The following CALN1 variants were observed in gnomAD, a reference collection of about 807,000 sequenced individuals.
The protein encoded by CALN1 is calcium-binding protein 8.
In CALN1, 17 loss-of-function variants were observed where a neutral mutation model predicts 30.6. The observed-to-expected ratio is 0.56, with a 90% CI of 0.38 to 0.83. The LOEUF (loss-of-function observed/expected upper bound fraction) is 0.83. Among genes scored for constraint, CALN1 ranks in the 40% least tolerant of loss-of-function variants. The pLI is 0.00. For synonymous variants in CALN1, 156 were observed against 131.4 expected (o/e 1.19, Z -1.28); for missense variants, 291 against 354.9 (o/e 0.82, Z 1.45).
intron 4 of CALN1, chr7:72,104,322 CA>C (rs1806923000): frequency 6.6e-6 from 1 of 152,176 alleles, no homozygotes; most frequent in Non-Finnish European, 1.5e-5. Context: ...CTTGCAGGGA[CA>C]GGGGGATTGG....
intron 3 of CALN1, among the ~76,000 whole-genome samples, chr7:72,229,471 A>G (rs1285550029): frequency 6.6e-6 from 1 of 152,062 alleles, no homozygotes; most frequent in Admixed American, 6.5e-5. Flanking sequence ...TACTATAAAG[A>G]CACATGCACA....
At chr7:71,958,171 C>CT (rs1797065019) in intron 5 of CALN1, among the ~76,000 whole-genome samples, 1 of 151,686 alleles carries the variant, frequency 6.6e-6, no homozygotes, top group South Asian at 2.1e-4. Context: ...ATGGTGAAGT[C>CT]TGAGATTTTA....
intron 5 of CALN1, among the ~76,000 whole-genome samples, chr7:71,923,319 C>G (rs890193260): frequency 7.2e-5 from 11 of 152,236 alleles, no homozygotes; most frequent in African/African-American, 2.4e-4. Flanking sequence ...TTGGTTCTGC[C>G]AGGCCCTATA....
intron 4 of CALN1, among the ~76,000 whole-genome samples, chr7:72,081,691 G>T (rs1046863196): frequency 6.6e-6 from 1 of 151,870 alleles, no homozygotes; most frequent in Admixed American, 6.6e-5. Context: ...TAAAGTGCTG[G>T]GATTACAGGT....
At chr7:71,985,467 G>A (rs1043585806) in intron 5 of CALN1, among the ~76,000 whole-genome samples, 1 of 151,368 alleles carries the variant, frequency 6.6e-6, no homozygotes. Context: ...AACATAGCAA[G>A]ACCCCATCTC....
rs73364932 is a variant in CALN1, at chr7:72,383,392, C to T, written c.119+19859G>A. 6.3e-3 allele frequency among the ~76,000 whole-genome samples: 954 copies of T among 152,288 alleles called. 10 individuals are homozygous for T. The highest frequency in any genetic ancestry group is 0.021 in the African/African-American group (853 of 41,560). On this transcript the variant is annotated intron_variant, in intron 2 of 6. Coordinates refer to ENST00000395275, the MANE Select transcript of CALN1 (RefSeq NM_031468.4). ...TGCATTCCCACCAAAAGTGTATGAG[C>T]GTTCCCTTTTCTCTGCAGCCTCATC...
At chr7:72,294,484 T>G (rs886355112) in intron 2 of CALN1, among the ~76,000 whole-genome samples, 5 of 152,072 alleles carry the variant, frequency 3.3e-5, no homozygotes, top group African/African-American at 9.7e-5. Flanking sequence ...GCACAGTGGC[T>G]CATACTCACA....
chr7:71,937,834 A>G (rs1263497254), intron 5 of CALN1, among the ~76,000 whole-genome samples: 2 of 152,216 alleles, frequency 1.3e-5, no homozygotes, highest in Non-Finnish European at 2.9e-5. Context: ...GGTCTGTTTA[A>G]GGAAAAATAA....
intron 5 of CALN1, among the ~76,000 whole-genome samples, chr7:71,847,396 T>A (rs35412752): frequency 0.14 from 21,778 of 151,862 alleles, 2,515 homozygotes; most frequent in East Asian, 0.51. Flanking sequence ...ACGCTTGTAA[T>A]CCTAGCAGTT....
intron 2 of CALN1, among the ~76,000 whole-genome samples, chr7:72,357,820 ATATATATTTT>A (rs945840780): frequency 1.4e-5 from 2 of 147,360 alleles, no homozygotes; most frequent in Non-Finnish European, 3.0e-5. Context: ...TTATATATTT[ATATATATTTT>A]TATATATTTA....
chr7:72,155,454 T>C (rs544880513), intron 3 of CALN1, among the ~76,000 whole-genome samples: 1 of 147,904 alleles, frequency 6.8e-6, no homozygotes, highest in African/African-American at 2.5e-5. Context: ...ATCACGCCAC[T>C]GCACTCCAGC....
chr7:71,805,876 G>A (rs1475220743), intron 6 of CALN1, among the ~76,000 whole-genome samples: 1 of 152,150 alleles, frequency 6.6e-6, no homozygotes, highest in Admixed American at 6.6e-5. Context: ...AAGAAAGTGT[G>A]TACATATACA....
At chr7:72,094,135 G>A (rs191142705) in intron 4 of CALN1, among the ~76,000 whole-genome samples, 3 of 152,358 alleles carry the variant, frequency 2.0e-5, no homozygotes, top group Admixed American at 2.0e-4. Context: ...TTCTAGGTCT[G>A]ATGTGAATGA....
chr7:72,268,247 A>C (rs1796723169), intron 3 of CALN1, among the ~76,000 whole-genome samples: 2 of 152,150 alleles, frequency 1.3e-5, no homozygotes, highest in South Asian at 4.1e-4. Flanking sequence ...CTGGCCCAAG[A>C]AGCTTAAACA....
At chr7:71,996,891 A>C (rs1435708932) in intron 5 of CALN1, among the ~76,000 whole-genome samples, 1 of 152,162 alleles carries the variant, frequency 6.6e-6, no homozygotes, top group Admixed American at 6.5e-5. Flanking sequence ...GAGTTATAAA[A>C]AAGAACCAGC....
At chr7:72,301,444 C>A (rs955050326) in intron 2 of CALN1, among the ~76,000 whole-genome samples, 19 of 151,938 alleles carry the variant, frequency 1.3e-4, no homozygotes, top group Middle Eastern at 3.4e-3. Flanking sequence ...CCTGTCTCTA[C>A]TAAAAATACA....
At chr7:72,053,028 A>C (rs1043950248) in intron 4 of CALN1, among the ~76,000 whole-genome samples, 3 of 152,192 alleles carry the variant, frequency 2.0e-5, no homozygotes, top group Non-Finnish European at 2.9e-5. Context: ...ACAGGAGTTC[A>C]AGACCAGCCT....
chr7:72,095,085 A>G (rs1047638054), intron 4 of CALN1, among the ~76,000 whole-genome samples: 1 of 152,176 alleles, frequency 6.6e-6, no homozygotes, highest in African/African-American at 2.4e-5. Context: ...AGAATACTAT[A>G]TCTAAAAGCT....
intron 5 of CALN1, among the ~76,000 whole-genome samples, chr7:71,950,165 C>A (rs975430952): frequency 6.6e-6 from 1 of 152,178 alleles, no homozygotes; most frequent in Non-Finnish European, 1.5e-5. Flanking sequence ...AACCTGGACA[C>A]CCTCCCCTGG....
Sources: allele counts gnomAD v4.1 joint callset (sites outside exome capture counted in the v4.1 genomes callset), GRCh38; gene constraint gnomAD v4.1.1; transcripts MANE v1.5; gene names NCBI Gene and HGNC (gene_info 2026-07-23, HGNC 2026-07-21).